TSHR: variants seen among roughly 807,000 people sequenced by gnomAD.
TSHR encodes thyrotropin receptor.
Under a neutral mutation model 64.1 loss-of-function variants are expected in TSHR, and 51 were observed. The ratio of observed to expected loss-of-function variants is 0.80; its 90% CI spans 0.64 to 1.01. TSHR has a LOEUF of 1.01. TSHR is among the 50% of genes least tolerant of loss of function. The pLI is 0.00. For missense variants in TSHR, 877 were observed against 942.8 expected (o/e 0.93, Z 0.91); for synonymous variants, 361 against 361.9 (o/e 1.00, Z 0.03).
At chr14:80,959,543 A>C (rs550863481) in intron 1 of TSHR, 1 of 152,136 alleles carries the variant, frequency 6.6e-6, no homozygotes, top group Non-Finnish European at 1.5e-5. Context: ...ATTTGTGTGG[A>C]TTCTTCCTCC....
At chr14:81,119,022 T>A (rs1890662249) in intron 8 of TSHR, among the ~76,000 whole-genome samples, 1 of 137,250 alleles carries the variant, frequency 7.3e-6, no homozygotes, top group Admixed American at 7.2e-5. Context: ...TATACAAAAA[T>A]CAATTCAAGA....
chr14:81,117,312 A>G (rs1268632001), intron 8 of TSHR, among the ~76,000 whole-genome samples: 1 of 124,074 alleles, frequency 8.1e-6, no homozygotes, highest in Non-Finnish European at 1.6e-5. Context: ...AAAAAGAGAG[A>G]AGAATCAAAT....
intron 3 of TSHR, among the ~76,000 whole-genome samples, chr14:81,086,305 G>A (rs1442629224): frequency 6.6e-6 from 1 of 152,214 alleles, no homozygotes; most frequent in Non-Finnish European, 1.5e-5. Context: ...TGTGTGTTTA[G>A]GGAGGAGAGA....
At chr14:81,058,483 G>A (rs1391291820) in intron 1 of TSHR, among the ~76,000 whole-genome samples, 1 of 152,150 alleles carries the variant, frequency 6.6e-6, no homozygotes, top group Admixed American at 6.5e-5. Flanking sequence ...TTTTCCCAAT[G>A]AGTTACATAT....
intron 1 of TSHR, among the ~76,000 whole-genome samples, chr14:81,048,844 C>T (rs950903489): frequency 1.2e-4 from 18 of 152,134 alleles, no homozygotes; most frequent in East Asian, 5.8e-4. Context: ...TCTGATTCAC[C>T]GAAAATTGAG....
intron 1 of TSHR, among the ~76,000 whole-genome samples, chr14:80,963,887 A>G (rs1177715996): frequency 1.3e-5 from 2 of 152,218 alleles, no homozygotes; most frequent in Non-Finnish European, 2.9e-5. Context: ...GAATGTCTTG[A>G]ACCCCATTAC....
intron 1 of TSHR, among the ~76,000 whole-genome samples, chr14:81,031,284 A>C (rs1160629125): frequency 1.3e-5 from 2 of 152,172 alleles, no homozygotes; most frequent in African/African-American, 4.8e-5. Flanking sequence ...TCCTACAGTC[A>C]TACATATGAA....
At chr14:81,024,331 C>T (rs180849598) in intron 1 of TSHR, among the ~76,000 whole-genome samples, 32 of 152,236 alleles carry the variant, frequency 2.1e-4, no homozygotes, top group African/African-American at 3.4e-4. Context: ...TCACTGCAAC[C>T]TCCACCTTCC....
intron 1 of TSHR, chr14:80,983,348 T>C: frequency 1.8e-6 from 2 of 1,085,950 alleles, no homozygotes; most frequent in South Asian, 3.3e-5. Context: ...AGCTTTTTCA[T>C]TTGCCATCCT....
At chr14:80,983,676 A>G (rs1219802658) in intron 1 of TSHR, 2 of 667,744 alleles carry the variant, frequency 3.0e-6, no homozygotes, top group Admixed American at 2.9e-5. Flanking sequence ...ACCATCTCCA[A>G]ACTCTAGCAG....
chr14:81,067,927 C>CCATATATATATATA (rs146901210), intron 2 of TSHR, among the ~76,000 whole-genome samples: 1 of 95,798 alleles, frequency 1.0e-5, no homozygotes, highest in African/African-American at 5.9e-5. Flanking sequence ...CAGGGTGACA[C>CCATATATATATATA]TATATATATA....
chr14:81,108,732 A>G (rs1254688422), intron 8 of TSHR: 2 of 1,612,768 alleles, frequency 1.2e-6, no homozygotes, highest in African/African-American at 2.7e-5. Context: ...GGCTCTGTTC[A>G]TGGAGCAGCT....
chr14:80,999,141 AC>A (rs564781236), intron 1 of TSHR, among the ~76,000 whole-genome samples: 240 of 152,288 alleles, frequency 1.6e-3, no homozygotes, highest in African/African-American at 5.7e-3. Context: ...TTAACCTCAC[AC>A]CCAGTGTAAG....
chr14:81,100,359 G>T (rs1186859119), intron 7 of TSHR, among the ~76,000 whole-genome samples: 1 of 151,984 alleles, frequency 6.6e-6, no homozygotes, highest in Non-Finnish European at 1.5e-5. Flanking sequence ...CTGATAGGTA[G>T]GAAAAAAATC....
At chr14:80,982,369 G>C (rs1383534396) in intron 1 of TSHR, 21 of 1,259,242 alleles carry the variant, frequency 1.7e-5, no homozygotes, top group Non-Finnish European at 2.2e-5. Context: ...AAATGGAGAA[G>C]AGGCTGGTAA....
intron 3 of TSHR, among the ~76,000 whole-genome samples, chr14:81,079,913 T>C (rs1887776164): frequency 6.8e-6 from 1 of 147,002 alleles, no homozygotes; most frequent in Non-Finnish European, 1.5e-5. Flanking sequence ...GAAGAATGTT[T>C]TTACTTTTAT....
chr14:81,071,258 A>G (rs1160700117), intron 3 of TSHR, among the ~76,000 whole-genome samples: 1 of 152,216 alleles, frequency 6.6e-6, no homozygotes, highest in Non-Finnish European at 1.5e-5. Context: ...ACTTAGAAGT[A>G]AAATGCTTTA....
At chr14:81,123,508 G>A (rs1411998860) in intron 8 of TSHR, among the ~76,000 whole-genome samples, 1 of 152,154 alleles carries the variant, frequency 6.6e-6, no homozygotes, top group Non-Finnish European at 1.5e-5. Context: ...TGGATGAATT[G>A]TAACTAAATA....
intron 2 of TSHR, among the ~76,000 whole-genome samples, chr14:81,066,966 A>G (rs1394708504): frequency 1.3e-5 from 2 of 152,174 alleles, no homozygotes; most frequent in Non-Finnish European, 2.9e-5. Flanking sequence ...ACTATTTGAA[A>G]TATTCCTTAT....
Sources: gnomAD v4.1 joint callset for allele counts (sites outside exome capture counted in the v4.1 genomes callset) on GRCh38, gnomAD v4.1.1 for gene constraint, MANE v1.5 for transcripts, NCBI Gene and HGNC (gene_info 2026-07-23, HGNC 2026-07-21) for gene names.